Variants in SERP2 observed in about 807,000 individuals in gnomAD.
SERP2 encodes the protein stress associated endoplasmic reticulum protein family member 2, also known as stress-associated endoplasmic reticulum protein 2.
SERP2 carries 6 observed loss-of-function variants against 9.1 expected under a neutral mutation model. The ratio of observed to expected loss-of-function variants is 0.66; its 90% CI spans 0.36 to 1.30. SERP2 has a LOEUF of 1.30. Among genes scored for constraint, SERP2 ranks in the 50% most tolerant of loss-of-function variants. The pLI is 0.03. For missense variants in SERP2, 58 were observed against 81.9 expected, an observed-to-expected ratio of 0.71 and a Z score of 1.13; for synonymous variants, 37 against 27.3, an observed-to-expected ratio of 1.35 and a Z score of -1.10.
At chr13:44,375,557 A>C (rs181442378) in intron 1 of SERP2, among the ~76,000 whole-genome samples, 74 of 152,324 alleles carry the variant, frequency 4.9e-4, no homozygotes, top group Admixed American at 9.1e-4. Context: ...ATTGAGAAGC[A>C]ACTTATAATT....
chr13:44,373,873 G>A lies in SERP2; in HGVS notation c.-153G>A. 7 of 593,854 alleles carry A rather than the reference G, an allele frequency of 1.2e-5. 1 individual carries two copies. The South Asian group carries it at 1.4e-4, about 12-fold the overall frequency. The allele number at this position is 593,854 out of a possible 1,614,324, so 36.8% of individuals were successfully genotyped here. On this transcript the variant is annotated 5_prime_UTR_variant, in exon 1 of 3. Transcript: ENST00000379179. The surrounding 1 kb of genome is among the most constrained non-coding windows in gnomAD (Gnocchi z 4.8). ...CTCTGGAGTCGGCTAGCCGGGGCTC[G>A]GGGAGCGGGGTGCGCAGGGCTCGGG...
At chr13:44,373,740 C>T (rs1396905223), upstream of SERP2, 9 of 389,250 alleles carry the variant, frequency 2.3e-5, no homozygotes, top group Admixed American at 5.0e-5. The surrounding 1 kb of genome is among the most constrained non-coding windows in gnomAD (Gnocchi z 4.8). Flanking sequence ...GTCGCGCCTG[C>T]CTCGGTGGCC....
intron 2 of SERP2, among the ~76,000 whole-genome samples, chr13:44,381,252 A>AG (rs1413881352): frequency 6.6e-6 from 1 of 151,198 alleles, no homozygotes; most frequent in East Asian, 1.9e-4. Context: ...AAAAAAAAAA[A>AG]AAAAAAAAGC....
At position 44,373,886 on chromosome 13, in the gene SERP2, CGCAGGGCTCGGGGCCACGCCTTGCCACCT is replaced by C; in HGVS notation, c.-135_-107del. 1.5e-6 allele frequency: 1 copy of C among 653,116 alleles called. No homozygotes were observed. The highest frequency in any genetic ancestry group is 2.5e-6 in the Non-Finnish European group (1 of 395,664). The allele number at this position is 653,116 out of a possible 1,614,324, so 40.5% of individuals were successfully genotyped here. Reference sequence around the variant, plus strand: ...TAGCCGGGGCTCGGGGAGCGGGGTGCGCAGGGCTCGGGGCCACGCCTTGCCACCTGCAGCGCCCGGGTGGGCCGCGGGGG... The same window carrying C: ...TAGCCGGGGCTCGGGGAGCGGGGTGCGCAGCGCCCGGGTGGGCCGCGGGGG... On this transcript the variant is annotated 5_prime_UTR_variant, in exon 1 of 3. Coordinates refer to ENST00000379179, the MANE Select transcript of SERP2 (RefSeq NM_001010897.3). The surrounding 1 kb of genome is among the most constrained non-coding windows in gnomAD (Gnocchi z 4.8).
At chr13:44,390,771 A>G (rs1483759884) in intron 2 of SERP2, 2 of 159,474 alleles carry the variant, frequency 1.3e-5, no homozygotes, top group South Asian at 3.5e-4. Context: ...CTCCATCTCT[A>G]GAGAAGCCAC....
At chr13:44,376,477 TC>T (rs1438855014) in intron 1 of SERP2, among the ~76,000 whole-genome samples, 1 of 152,178 alleles carries the variant, frequency 6.6e-6, no homozygotes, top group East Asian at 1.9e-4. Flanking sequence ...AGCAGACTAA[TC>T]CAAGAAACAA....
intron 2 of SERP2, among the ~76,000 whole-genome samples, chr13:44,381,200 T>G (rs1225167774): frequency 7.3e-6 from 1 of 136,344 alleles, no homozygotes; most frequent in Non-Finnish European, 1.5e-5. Flanking sequence ...ATCGCGCCAT[T>G]GCACTCCAGC....
chr13:44,388,100 A>T (rs1480389978), intron 2 of SERP2, among the ~76,000 whole-genome samples: 2 of 151,258 alleles, frequency 1.3e-5, no homozygotes, highest in Non-Finnish European at 2.9e-5. Context: ...AAGCAGAAAA[A>T]AATGTGTTTA....
intron 1 of SERP2, among the ~76,000 whole-genome samples, chr13:44,378,666 G>A (rs1445720627): frequency 4.6e-5 from 7 of 151,000 alleles, no homozygotes; most frequent in Admixed American, 4.6e-4. Context: ...GTTCTTTGTT[G>A]TTGTTTTTTT....
chr13:44,390,492 T>A (rs1872608653), intron 2 of SERP2: 1 of 455,566 alleles, frequency 2.2e-6, no homozygotes, highest in Non-Finnish European at 4.4e-6. Flanking sequence ...AAGGAAAGAC[T>A]GAGGCCATTC....
At chr13:44,379,596 A>G (rs773966841) in intron 1 of SERP2, 45 bp from the exon 2 acceptor site, 1 of 1,395,586 alleles carries the variant, frequency 7.2e-7, no homozygotes, top group South Asian at 1.2e-5. Context: ...ATAATTGTTT[A>G]TTGAGTCAAT....
intron 2 of SERP2, 92 bp from the exon 3 acceptor site, chr13:44,397,180 C>T: frequency 1.0e-6 from 1 of 976,028 alleles, no homozygotes; most frequent in Admixed American, 1.7e-5. Context: ...CACGTCAGGG[C>T]CCAGGGGTCT....
chr13:44,380,998 G>A lies in SERP2; in HGVS notation c.157+1285G>A, dbSNP rs1871936712. On this transcript the variant is annotated intron_variant, in intron 2 of 2. Transcript: ENST00000379179. ...AGATGACTGCCTGGTGGCTCCTTCT[G>A]CAAACTAAGCTTCCCTAAATCTCTC... is the stretch of plus-strand genomic sequence containing the variant. 2.6e-5 allele frequency among the ~76,000 whole-genome samples: 4 copies of A among 152,132 alleles called. No homozygotes were observed. The South Asian group carries it at 8.3e-4, about 32-fold the overall frequency.
intron 2 of SERP2, among the ~76,000 whole-genome samples, chr13:44,383,686 T>A (rs1343602243): frequency 6.6e-6 from 1 of 151,480 alleles, no homozygotes; most frequent in East Asian, 1.9e-4. Context: ...TAGCTGGAAC[T>A]GCAAGCACGC....
At chr13:44,396,145 G>T in intron 2 of SERP2, 1 of 188,088 alleles carries the variant, frequency 5.3e-6, no homozygotes, top group Non-Finnish European at 1.1e-5. Flanking sequence ...ATTCATGTTT[G>T]TCTACTCTTA....
intron 1 of SERP2, among the ~76,000 whole-genome samples, chr13:44,375,185 G>C (rs962560029): frequency 6.6e-6 from 1 of 152,070 alleles, no homozygotes; most frequent in Non-Finnish European, 1.5e-5. Flanking sequence ...CAGATTTGAT[G>C]AATCAATTCC....
At chr13:44,377,776 T>C (rs2138778337) in intron 1 of SERP2, among the ~76,000 whole-genome samples, 1 of 152,376 alleles carries the variant, frequency 6.6e-6, no homozygotes, top group Admixed American at 6.5e-5. Flanking sequence ...CTAGAACCTG[T>C]GTTTACTCTG....
At position 44,397,321 on chromosome 13, in the gene SERP2, G is replaced by A; in HGVS notation, c.*9G>A. ...TAAGGATGGGCATGTGAGAAAGCCAGGGATTTGACACCACCTCCCTCCCAC... is the reference window on the plus strand; with the variant it reads ...TAAGGATGGGCATGTGAGAAAGCCAAGGATTTGACACCACCTCCCTCCCAC... On this transcript the variant is annotated 3_prime_UTR_variant, in exon 3 of 3. Coordinates refer to ENST00000379179, the MANE Select transcript of SERP2 (RefSeq NM_001010897.3). 6.2e-7 allele frequency: 1 copy of A among 1,609,168 alleles called. No individual in the cohort carries two copies. Among genetic ancestry groups the A allele is most frequent in the Non-Finnish European group, 8.5e-7 (1 of 1,175,604 alleles).
chr13:44,386,568 G>A (rs561574390), intron 2 of SERP2, among the ~76,000 whole-genome samples: 2 of 152,178 alleles, frequency 1.3e-5, no homozygotes, highest in African/African-American at 4.8e-5. Context: ...ATTTTTAGTA[G>A]AGACAGGGTT....
Sources: gnomAD v4.1 joint callset for allele counts (sites outside exome capture counted in the v4.1 genomes callset) on GRCh38, gnomAD v4.1.1 for gene constraint, Gnocchi (gnomAD v3.1) non-coding constraint, MANE v1.5 for transcripts, NCBI Gene and HGNC (gene_info 2026-07-23, HGNC 2026-07-21) for gene names.